Variants in F10 observed in about 807,000 individuals in gnomAD.
The protein encoded by F10 is coagulation factor X, also known as Stuart-Prower factor.
A neutral mutation model predicts 37.1 loss-of-function variants in F10; 29 were observed. That is an observed-to-expected ratio of 0.78 (90% CI 0.58 to 1.07). The LOEUF (loss-of-function observed/expected upper bound fraction) is 1.07. Among genes scored for constraint, F10 ranks in the 50% least tolerant of loss-of-function variants. The pLI is 0.00. For synonymous variants in F10, 262 were observed against 268.6 expected (o/e 0.98, Z 0.24); for missense variants, 539 against 667.9 (o/e 0.81, Z 2.13).
rs180910995 is a variant in F10, at chr13:113,124,027, C to T, written c.70+1102C>T. Among the ~76,000 whole-genome samples the T allele has an allele frequency of 1.9e-4, 29 of 152,322 alleles. No individual in the cohort carries two copies. In the East Asian group the frequency reaches 4.8e-3, roughly 25 times the overall value. On this transcript the variant is annotated intron_variant, in intron 1 of 7. Transcript: ENST00000375559. ...TGGGTGGAACAAGGCCCTGGAAGGACCCATGCCATCATCATCGACAGCAAA... is the reference window on the plus strand; with the variant it reads ...TGGGTGGAACAAGGCCCTGGAAGGATCCATGCCATCATCATCGACAGCAAA...
intron 2 of F10, among the ~76,000 whole-genome samples, chr13:113,135,382 T>G (rs2036469214): frequency 6.6e-6 from 1 of 152,258 alleles, no homozygotes; most frequent in Admixed American, 6.5e-5. Context: ...CTCACAGTTA[T>G]GGAGGCTGGG....
At chr13:113,133,798 G>C (rs777758781) in intron 2 of F10, among the ~76,000 whole-genome samples, 7 of 152,158 alleles carry the variant, frequency 4.6e-5, no homozygotes, top group African/African-American at 7.2e-5. Context: ...AAACGGTGCA[G>C]CAATATATTT....
At chr13:113,140,164 G>T (rs1207381864) in intron 4 of F10, among the ~76,000 whole-genome samples, 1 of 146,590 alleles carries the variant, frequency 6.8e-6, no homozygotes, top group Non-Finnish European at 1.5e-5. Context: ...AGCTCCGCCT[G>T]CCAGGTTCAC....
Position 113,129,598 on chromosome 13 carries a change from G to A in F10, c.217G>A (p.Asp73Asn), listed in dbSNP as rs762809353. 3 of 1,614,214 alleles carry A rather than the reference G, an allele frequency of 1.9e-6. No individual in the cohort carries two copies. The highest frequency in any genetic ancestry group is 2.5e-6 in the Non-Finnish European group (3 of 1,180,026). The change falls in exon 2 of 8, where the codon GAC becomes AAC. Residue 73 changes from aspartate (D) to asparagine (N), a missense_variant. Coordinates refer to ENST00000375559, the MANE Select transcript of F10 (RefSeq NM_000504.4). ...SYEEAREVFE[D>N]SDKTNEFWNK... ...CGAAGAGGCCCGCGAGGTCTTTGAGGACAGCGACAAGACGGTAAGGGCTGG... is the reference window on the plus strand; with the variant it reads ...CGAAGAGGCCCGCGAGGTCTTTGAGAACAGCGACAAGACGGTAAGGGCTGG...
At chr13:113,124,397 G>A (rs2036350976) in intron 1 of F10, among the ~76,000 whole-genome samples, 1 of 152,256 alleles carries the variant, frequency 6.6e-6, no homozygotes, top group Non-Finnish European at 1.5e-5. Flanking sequence ...ACAGGGTATT[G>A]GCACCCTTAG....
rs1447576598 is a variant in F10 at position 113,136,947 on chromosome 13, G to A, written c.232-1510G>A. The stretch of plus-strand genomic sequence containing the variant: ...TTACAGGCGTGAGCCACCGCGCCCG[G>A]CCAATTCTTGTACTTTTAGTAGAGA... On this transcript the variant is annotated intron_variant, in intron 2 of 7. Coordinates refer to ENST00000375559, the MANE Select transcript of F10 (RefSeq NM_000504.4). Among the ~76,000 whole-genome samples, 2 of 114,486 alleles carry A rather than the reference G, an allele frequency of 1.7e-5. 1 individual carries two copies. The highest frequency in any genetic ancestry group is 6.1e-5 in the African/African-American group (2 of 32,932). 75.1% of individuals were successfully genotyped at this position (114,486 alleles called of 152,430 possible).
chr13:113,127,744 G>T (rs1365802769), intron 1 of F10, among the ~76,000 whole-genome samples: 1 of 152,200 alleles, frequency 6.6e-6, no homozygotes, highest in Non-Finnish European at 1.5e-5. Flanking sequence ...AAGTTGGCAT[G>T]TATGTGTGTC....
At chr13:113,137,597 T>G (rs1363293192) in intron 2 of F10, among the ~76,000 whole-genome samples, 2 of 152,202 alleles carry the variant, frequency 1.3e-5, no homozygotes, top group Non-Finnish European at 2.9e-5. Flanking sequence ...TTGTCGCAGC[T>G]TTGGAGACAA....
chr13:113,139,524 G>C lies in F10; in HGVS notation c.370+54G>C. 1 of 1,368,426 alleles carries C rather than the reference G, an allele frequency of 7.3e-7. No individual in the cohort carries two copies. The highest frequency in any genetic ancestry group is 1.0e-6 in the Non-Finnish European group (1 of 958,446). The allele number at this position is 1,368,426 out of a possible 1,614,324, so 84.8% of individuals were successfully genotyped here. On this transcript the variant is annotated intron_variant, in intron 4 of 7. Coordinates refer to ENST00000375559, the MANE Select transcript of F10 (RefSeq NM_000504.4). The surrounding 1 kb of genome is among the most constrained non-coding windows in gnomAD (Gnocchi z 5.2). ...GATCAGATGCCCCTGAAGAGTGGCA[G>C]GTGGGCGGGGGAAGAAGTGAAAACG...
chr13:113,128,216 A>T (rs963565050), intron 1 of F10: 24 of 152,220 alleles, frequency 1.6e-4, no homozygotes, highest in African/African-American at 5.8e-4. Context: ...CAGCCTTGGA[A>T]GGTCCTGAGA....
Position 113,149,103 on chromosome 13 carries a change from C to T in F10, c.1053C>T (p.Ser351=). Residue 351 remains serine, a synonymous_variant, in exon 8 of 8, where the codon TCC becomes TCT. Coordinates refer to ENST00000375559, the MANE Select transcript of F10 (RefSeq NM_000504.4). This position sits in a 1 kb window ranked among gnomAD's most constrained non-coding sequence, Gnocchi z 7.5. ...ACLPERDWAE[S]TLMTQKTGIV... ...TCCCCGAGCGTGACTGGGCCGAGTC[C>T]ACGCTGATGACGCAGAAGACGGGGA... The T allele has an allele frequency of 6.2e-7, 1 of 1,613,150 alleles. No homozygotes were observed. Among genetic ancestry groups the T allele is most frequent in the Non-Finnish European group, 8.5e-7 (1 of 1,179,992 alleles).
At chr13:113,145,646 G>T (rs1192542340) in intron 6 of F10, among the ~76,000 whole-genome samples, 2 of 152,178 alleles carry the variant, frequency 1.3e-5, no homozygotes, top group Non-Finnish European at 2.9e-5. Context: ...GAGGTTGAAT[G>T]AACTCACAGT....
intron 1 of F10, among the ~76,000 whole-genome samples, chr13:113,127,777 AT>A (rs1237374609): frequency 6.6e-6 from 1 of 152,198 alleles, no homozygotes; most frequent in African/African-American, 2.4e-5. Flanking sequence ...AAATTGTACT[AT>A]TATAGTTTGT....
rs994025444 is a variant in F10, at chr13:113,143,760, G to C, written c.503-91G>C. ...GGGTGCCCCTGCGCTCTGCCTCCCG[G>C]CTCTCTGACTCTTCTCCCTCAGGGT... On this transcript the variant is annotated intron_variant, in intron 5 of 7. Coordinates refer to ENST00000375559, the MANE Select transcript of F10 (RefSeq NM_000504.4). This position sits in a 1 kb window ranked among gnomAD's most constrained non-coding sequence, Gnocchi z 6.8. The C allele has an allele frequency of 1.3e-6, 2 of 1,585,216 alleles. No individual in the cohort carries two copies. The highest frequency in any genetic ancestry group is 2.7e-5 in the African/African-American group (2 of 74,472).
At chr13:113,125,967 G>T (rs930909116) in intron 1 of F10, among the ~76,000 whole-genome samples, 7 of 152,194 alleles carry the variant, frequency 4.6e-5, no homozygotes, top group African/African-American at 7.2e-5. Context: ...GTCAGGGAGG[G>T]TGTCTCGGAG....
intron 1 of F10, among the ~76,000 whole-genome samples, chr13:113,123,335 G>A (rs954937735): frequency 1.3e-5 from 2 of 152,216 alleles, no homozygotes; most frequent in Non-Finnish European, 2.9e-5. Flanking sequence ...GGCACAGGAC[G>A]AGGGGCACAG....
chr13:113,137,518 G>C (rs534721099), intron 2 of F10, among the ~76,000 whole-genome samples: 2 of 152,188 alleles, frequency 1.3e-5, no homozygotes, highest in Non-Finnish European at 2.9e-5. Flanking sequence ...AAAGTAAGAA[G>C]ATAGTGTATT....
At chr13:113,148,330 C>CAAAAAAA (rs780002275) in intron 7 of F10, among the ~76,000 whole-genome samples, 2 of 90,874 alleles carry the variant, frequency 2.2e-5, no homozygotes, top group Non-Finnish European at 4.4e-5. Flanking sequence ...AACTCTGTCT[C>CAAAAAAA]AAAAAAAAAA....
At chr13:113,128,258 G>C (rs1258923829) in intron 1 of F10, 2 of 152,210 alleles carry the variant, frequency 1.3e-5, no homozygotes. Context: ...GTCACAGCTT[G>C]ATTTTATGTA....
Sources: gnomAD v4.1 joint callset for allele counts (sites outside exome capture counted in the v4.1 genomes callset) on GRCh38, gnomAD v4.1.1 for gene constraint, Gnocchi (gnomAD v3.1) non-coding constraint, MANE v1.5 for transcripts, NCBI Gene and HGNC (gene_info 2026-07-23, HGNC 2026-07-21) for gene names.